CTCF: variants seen among roughly 807,000 people sequenced by gnomAD.
CTCF encodes the protein transcriptional repressor CTCF.
A neutral mutation model predicts 72.3 loss-of-function variants in CTCF; 7 were observed. That is an observed-to-expected ratio of 0.10 (90% confidence interval 0.06 to 0.18). The LOEUF is 0.18. CTCF is among the 10% of genes least tolerant of loss of function. The pLI is 1.00. For missense variants in CTCF, 516 were observed against 949.1 expected, an observed-to-expected ratio of 0.54 and a Z score of 6.00; for synonymous variants, 374 against 315.8, an observed-to-expected ratio of 1.18 and a Z score of -1.95.
rs766339151 is a variant in CTCF, at chr16:67,611,015, G to A, written c.183G>A (p.Val61=). 1 of 1,614,092 alleles carries A rather than the reference G, an allele frequency of 6.2e-7. No individual in the cohort carries two copies. Among genetic ancestry groups the A allele is most frequent in the East Asian group, 2.2e-5 (1 of 44,848 alleles). ...VQDVNSSVQM[V]MMEQLDPTLL... is the part of the protein sequence containing the mutation. The stretch of plus-strand genomic sequence containing the variant: ...ATGTCAACAGCAGTGTACAGATGGT[G>A]ATGATGGAACAGCTGGACCCCACCC... Residue 61 remains valine, a synonymous_variant, in exon 3 of 12, where the codon GTG becomes GTA. Transcript: ENST00000264010.
At chr16:67,625,708 C>T (rs562398574) in intron 7 of CTCF, among the ~76,000 whole-genome samples, 29 of 152,238 alleles carry the variant, frequency 1.9e-4, no homozygotes, top group Non-Finnish European at 3.1e-4. Flanking sequence ...CCTTATATAA[C>T]TGTGTATCCC....
intron 2 of CTCF, among the ~76,000 whole-genome samples, chr16:67,604,152 AAAAG>A (rs1183626821): frequency 6.6e-6 from 1 of 151,136 alleles, no homozygotes; most frequent in Admixed American, 6.6e-5. Context: ...AAAAGAAAAG[AAAAG>A]AAAATTAATT....
chr16:67,604,964 ATTTTTTTTTTTTTT>A (rs34873720), intron 2 of CTCF, among the ~76,000 whole-genome samples: 1 of 73,776 alleles, frequency 1.4e-5, no homozygotes, highest in Non-Finnish European at 2.5e-5. Context: ...TATAAATGGG[ATTTTTTTTTTTTTT>A]TTTTTTTTTT....
At chr16:67,609,264 A>G (rs1196707075) in intron 2 of CTCF, among the ~76,000 whole-genome samples, 3 of 152,188 alleles carry the variant, frequency 2.0e-5, no homozygotes, top group Non-Finnish European at 4.4e-5. Context: ...TGTGATGAGA[A>G]CACTTAAAAA....
At chr16:67,621,748 C>CT (rs34853932) in intron 7 of CTCF, among the ~76,000 whole-genome samples, 157 bp downstream of exon 7, 24,598 of 121,272 alleles carry the variant, frequency 0.2, 3,802 homozygotes, top group African/African-American at 0.42. Context: ...TGCTTAGCTG[C>CT]TTTTTTTTTT....
chr16:67,601,264 GT>G (rs1305807149), intron 2 of CTCF, among the ~76,000 whole-genome samples: 2 of 127,732 alleles, frequency 1.6e-5, no homozygotes, highest in Admixed American at 1.5e-4. Flanking sequence ...GTTTTGTTTT[GT>G]TTTTTAAGAC....
chr16:67,568,920 C>G (rs1310399412), intron 1 of CTCF, among the ~76,000 whole-genome samples: 1 of 151,656 alleles, frequency 6.6e-6, no homozygotes, highest in Non-Finnish European at 1.5e-5. Flanking sequence ...TCACTGAAAC[C>G]TCTGCTTCCT....
intron 2 of CTCF, among the ~76,000 whole-genome samples, chr16:67,571,900 T>C (rs1258166152): frequency 1.1e-4 from 17 of 152,206 alleles, no homozygotes; most frequent in Admixed American, 1.1e-3. Flanking sequence ...TCTATAAATA[T>C]TGGAATCTAC....
rs373304235 is a variant in CTCF at position 67,626,452 on chromosome 16, CAAAAAAA to C, written c.1358-88_1358-82del. ...TGGGTGACAGAGCAAGACTCCGTCT[CAAAAAAA>C]AAAAAAAAAAAAAAGAATCGAGAAA... On this transcript the variant is annotated intron_variant, in intron 7 of 11. Transcript: ENST00000264010. The C allele has an allele frequency of 7.7e-4, 292 of 376,882 alleles. 1 individual carries two copies. The East Asian group carries it at 0.012, about 15-fold the overall frequency. The allele number at this position is 376,882 out of a possible 1,614,324, so 23.3% of individuals were successfully genotyped here.
intron 4 of CTCF, chr16:67,616,432 C>G: frequency 3.8e-6 from 1 of 261,688 alleles, no homozygotes; most frequent in Non-Finnish European, 7.5e-6. Flanking sequence ...TCTCTATTAA[C>G]TTTTAATCCA....
Position 67,616,885 on chromosome 16 carries a change from G to T in CTCF, c.1086+7G>T. 1 of 1,613,844 alleles carries T rather than the reference G, an allele frequency of 6.2e-7. No individual in the cohort carries two copies. The highest frequency in any genetic ancestry group is 1.1e-5 in the South Asian group (1 of 91,072). Reference sequence around the variant, plus strand: ...CGATTACGCCAGTGTAGAAGTGAGTGTTCAGCTTTTTGTTGGTATCTCTCT... The same window carrying T: ...CGATTACGCCAGTGTAGAAGTGAGTTTTCAGCTTTTTGTTGGTATCTCTCT... On this transcript the variant is annotated splice_region_variant and intron_variant, in intron 5 of 11. Coordinates refer to ENST00000264010, the MANE Select transcript of CTCF (RefSeq NM_006565.4).
chr16:67,636,891 C>T, intron 11 of CTCF, 40 bp downstream of exon 11: 2 of 1,437,264 alleles, frequency 1.4e-6, no homozygotes, highest in Non-Finnish European at 1.8e-6. Flanking sequence ...GGCGTCTTCT[C>T]CGAGCATGTG....
intron 2 of CTCF, among the ~76,000 whole-genome samples, chr16:67,584,646 A>G (rs917981652): frequency 6.6e-6 from 1 of 151,576 alleles, no homozygotes; most frequent in Non-Finnish European, 1.5e-5. Context: ...TTTTTTTTAA[A>G]CTGTAAAGTG....
intron 8 of CTCF, chr16:67,626,955 T>G (rs2052296209): frequency 2.9e-6 from 1 of 340,694 alleles, no homozygotes; most frequent in Non-Finnish European, 5.3e-6. Context: ...CTGAAAACTG[T>G]GGAAAGTAAG....
intron 4 of CTCF, chr16:67,615,833 C>A (rs1019823378): frequency 6.6e-6 from 1 of 152,230 alleles, no homozygotes; most frequent in Non-Finnish European, 1.5e-5. Context: ...CCAGCATTCT[C>A]TTCATTCTCA....
intron 10 of CTCF, among the ~76,000 whole-genome samples, chr16:67,631,150 G>GTTTTTTTTTTTTTT (rs1472086135): frequency 1.5e-5 from 2 of 132,532 alleles, no homozygotes; most frequent in African/African-American, 3.2e-5. Flanking sequence ...TTTGTTCTTT[G>GTTTTTTTTTTTTTT]TTTGTTTTTT....
chr16:67,632,335 TAGTCAAAAG>T (rs1490453867), intron 10 of CTCF, among the ~76,000 whole-genome samples: 1 of 152,214 alleles, frequency 6.6e-6, no homozygotes, highest in African/African-American at 2.4e-5. Flanking sequence ...GAAGCATCTT[TAGTCAAAAG>T]AGATTATTGA....
chr16:67,572,759 G>T (rs1028720729), intron 2 of CTCF, among the ~76,000 whole-genome samples: 2 of 152,076 alleles, frequency 1.3e-5, no homozygotes. Context: ...GGCCAACATG[G>T]TAAAACCCCA....
At chr16:67,573,902 G>T (rs1028385124) in intron 2 of CTCF, among the ~76,000 whole-genome samples, 3 of 151,956 alleles carry the variant, frequency 2.0e-5, no homozygotes, top group African/African-American at 7.3e-5. Context: ...GTTGTGGTGC[G>T]TGCCTGTAGT....
Sources: gnomAD v4.1 joint callset for allele counts (sites outside exome capture counted in the v4.1 genomes callset) on GRCh38, gnomAD v4.1.1 for gene constraint, MANE v1.5 for transcripts, NCBI Gene and HGNC (gene_info 2026-07-23, HGNC 2026-07-21) for gene names.